Variants in SECISBP2 observed in about 807,000 individuals in gnomAD.
SECISBP2 encodes SECIS binding protein 2, also known as selenocysteine insertion sequence-binding protein 2.
In SECISBP2, 96 loss-of-function variants were observed where a neutral mutation model predicts 98.2. That is an observed-to-expected ratio of 0.98 (90% confidence interval 0.83 to 1.16). The LOEUF (loss-of-function observed/expected upper bound fraction) is 1.16. SECISBP2 is among the 50% of genes most tolerant of loss of function. The pLI is 0.00. For synonymous variants in SECISBP2, 407 were observed against 370.2 expected, an observed-to-expected ratio of 1.10 and a Z score of -1.14; for missense variants, 1,046 against 1,022.9, an observed-to-expected ratio of 1.02 and a Z score of -0.31.
chr9:89,340,278 G>C (rs1829461896), intron 9 of SECISBP2, among the ~76,000 whole-genome samples: 2 of 152,134 alleles, frequency 1.3e-5, no homozygotes, highest in Admixed American at 1.3e-4. Context: ...CAGTTTATTT[G>C]GGAAACGGAA....
intron 14 of SECISBP2, among the ~76,000 whole-genome samples, chr9:89,351,895 C>G (rs1273387746): frequency 6.6e-6 from 1 of 152,122 alleles, no homozygotes; most frequent in Non-Finnish European, 1.5e-5. Flanking sequence ...TTGTACATGT[C>G]CACAGCTAAA....
chr9:89,325,809 T>A (rs1564327367), intron 3 of SECISBP2, 88 bp from the exon 4 acceptor site: 4 of 1,591,206 alleles, frequency 2.5e-6, no homozygotes, highest in East Asian at 4.5e-5. Flanking sequence ...AAAAAATGAT[T>A]GAATTGTGAA....
At chr9:89,332,166 G>A (rs757287419) in intron 5 of SECISBP2, among the ~76,000 whole-genome samples, 3 of 152,112 alleles carry the variant, frequency 2.0e-5, no homozygotes, top group Non-Finnish European at 4.4e-5. Context: ...ATGTTCGAGA[G>A]CAGTTTTAGG....
chr9:89,360,492 C>CCTTTTTAGAGCT (rs1344710032), downstream of SECISBP2, among the ~76,000 whole-genome samples: 2 of 152,150 alleles, frequency 1.3e-5, no homozygotes, highest in African/African-American at 4.8e-5. Flanking sequence ...GCTCAAAGCC[C>CCTTTTTAGAGCT]CTTTTTAGAG....
chr9:89,328,637 T>TA, intron 4 of SECISBP2, 23 bp from the exon 5 acceptor site: 1 of 1,601,374 alleles, frequency 6.2e-7, no homozygotes. Flanking sequence ...TTTTTACTCT[T>TA]ACTTTTAATT....
chr9:89,359,244 C>A lies in SECISBP2; in HGVS notation c.*420C>A. The A allele has an allele frequency of 3.2e-6, 1 of 317,240 alleles. No individual in the cohort carries two copies. 19.7% of individuals were successfully genotyped at this position (317,240 alleles called of 1,614,324 possible). A position where few individuals can be genotyped will look rare whatever the true frequency, so the allele number is the denominator to read the frequency against. ...GCCATGGAGGGCCATTCCTGCCCGG[C>A]AACAGCACCGTCCTGCAGGGAGCCA... On this transcript the variant is annotated 3_prime_UTR_variant, in exon 17 of 17. Coordinates refer to ENST00000375807, the MANE Select transcript of SECISBP2 (RefSeq NM_024077.5).
downstream of SECISBP2, chr9:89,362,250 T>G: frequency 7.5e-7 from 1 of 1,332,062 alleles, no homozygotes; most frequent in Non-Finnish European, 1.1e-6. Context: ...CCTCTGCCCA[T>G]CAGGTGGTGG....
rs78563763 is a variant in SECISBP2 at position 89,335,851 on chromosome 9, C to T, written c.1089+1121C>T. On this transcript the variant is annotated intron_variant, in intron 7 of 16. Transcript: ENST00000375807. ...CATTTTGAATTCTTTAAAGAAGAAA[C>T]GTTGGCATAAGTTTATGCTCTGGTG... is the stretch of plus-strand genomic sequence containing the variant. Among the ~76,000 whole-genome samples, 1,116 of 152,162 alleles carry T rather than the reference C, an allele frequency of 7.3e-3. 17 individuals carry two copies. The highest frequency in any genetic ancestry group is 0.025 in the African/African-American group (1,031 of 41,514).
At position 89,328,596 on chromosome 9, in the gene SECISBP2, C is replaced by A. The variant is rs1827178123; in HGVS notation, c.575-64C>A. 1.1e-5 allele frequency: 15 copies of A among 1,343,788 alleles called. 1 individual carries two copies. In the South Asian group the frequency reaches 1.3e-4, roughly 12 times the overall value. 83.2% of individuals were successfully genotyped at this position (1,343,788 alleles called of 1,614,324 possible). On this transcript the variant is annotated intron_variant, in intron 4 of 16. Coordinates refer to ENST00000375807, the MANE Select transcript of SECISBP2 (RefSeq NM_024077.5). ...TAGTCTTTGTACTCTGCAATTTTTGCTTGCATACTGGTCATCAAACAGTAA... is the reference window on the plus strand; with the variant it reads ...TAGTCTTTGTACTCTGCAATTTTTGATTGCATACTGGTCATCAAACAGTAA...
At chr9:89,350,963 TTTTC>T in intron 14 of SECISBP2, 111 bp downstream of exon 14, 1 of 891,176 alleles carries the variant, frequency 1.1e-6, no homozygotes, top group South Asian at 1.4e-5. Flanking sequence ...TGACAACTCG[TTTTC>T]TTTGTGGTTT....
chr9:89,356,894 C>G lies in SECISBP2; in HGVS notation c.2114-517C>G, dbSNP rs528456410. 3 of 197,896 alleles carry G rather than the reference C, an allele frequency of 1.5e-5. No homozygotes were observed. The East Asian group carries it at 3.8e-4, about 25-fold the overall frequency. 12.3% of individuals were successfully genotyped at this position (197,896 alleles called of 1,614,324 possible). ...TACTTCTCAGGTGCTGTTGGGTTTTCCAGGTGCATCACCTGCACATGGTAC... is the reference window on the plus strand; with the variant it reads ...TACTTCTCAGGTGCTGTTGGGTTTTGCAGGTGCATCACCTGCACATGGTAC... On this transcript the variant is annotated intron_variant, in intron 14 of 16. Coordinates refer to ENST00000375807, the MANE Select transcript of SECISBP2 (RefSeq NM_024077.5).
At position 89,348,064 on chromosome 9, in the gene SECISBP2, T is replaced by C. The variant is rs539943165; in HGVS notation, c.1603-15T>C. On this transcript the variant is annotated splice_polypyrimidine_tract_variant and intron_variant, in intron 11 of 16. Transcript: ENST00000375807. The stretch of plus-strand genomic sequence containing the variant: ...CAAGTATTTAGGCATTTTAATTGTT[T>C]ATTTAATTTTTAAGATTATTTTGAA... 3 of 1,603,712 alleles carry C rather than the reference T, an allele frequency of 1.9e-6. No homozygotes were observed. Among genetic ancestry groups the C allele is most frequent in the Admixed American group, 3.4e-5 (2 of 59,678 alleles).
chr9:89,326,825 G>A (rs911872367), intron 4 of SECISBP2, among the ~76,000 whole-genome samples: 4 of 152,134 alleles, frequency 2.6e-5, no homozygotes, highest in Admixed American at 6.5e-5. Flanking sequence ...TTATTGTACT[G>A]AATATTGTAG....
intron 7 of SECISBP2, among the ~76,000 whole-genome samples, chr9:89,335,000 G>T (rs1386192046): frequency 6.6e-6 from 1 of 152,158 alleles, no homozygotes; most frequent in Non-Finnish European, 1.5e-5. Context: ...AGATCACGAG[G>T]TCAGGAGATG....
intron 10 of SECISBP2, among the ~76,000 whole-genome samples, chr9:89,341,771 C>T (rs1420012549): frequency 6.6e-6 from 1 of 152,080 alleles, no homozygotes; most frequent in Non-Finnish European, 1.5e-5. Flanking sequence ...ATAGTCATAC[C>T]TCCTACCTCA....
intron 14 of SECISBP2, chr9:89,355,498 T>C (rs1564447911): frequency 1.0e-6 from 1 of 959,440 alleles, no homozygotes; most frequent in Non-Finnish European, 1.2e-6. Flanking sequence ...TTTGGGATGT[T>C]GACCTCTTTT....
chr9:89,358,293 G>C, intron 16 of SECISBP2, 102 bp downstream of exon 16: 1 of 1,228,466 alleles, frequency 8.1e-7, no homozygotes, highest in Non-Finnish European at 1.2e-6. Flanking sequence ...TGCAAGACCA[G>C]CTGAGTAGCA....
chr9:89,342,180 A>T (rs1829749547), intron 10 of SECISBP2, among the ~76,000 whole-genome samples: 2 of 152,254 alleles, frequency 1.3e-5, no homozygotes. Context: ...GCGTGAAAAG[A>T]TACTCAATAT....
downstream of SECISBP2, among the ~76,000 whole-genome samples, chr9:89,363,198 A>G (rs1037726351): frequency 1.3e-5 from 2 of 152,184 alleles, no homozygotes; most frequent in African/African-American, 4.8e-5. Flanking sequence ...GCCTCCCTTC[A>G]GTCTCTTTTA....
Sources: gnomAD v4.1 joint callset for allele counts (sites outside exome capture counted in the v4.1 genomes callset) on GRCh38, gnomAD v4.1.1 for gene constraint, MANE v1.5 for transcripts, NCBI Gene and HGNC (gene_info 2026-07-23, HGNC 2026-07-21) for gene names.